The following EPM2A variants were observed in gnomAD, a reference collection of about 807,000 sequenced individuals.
EPM2A encodes laforin.
In EPM2A, 21 loss-of-function variants were observed where a neutral mutation model predicts 26.5. The observed-to-expected ratio is 0.79, with a 90% confidence interval of 0.56 to 1.14. The LOEUF (loss-of-function observed/expected upper bound fraction) is 1.14. EPM2A is among the 50% of genes most tolerant of loss of function. EPM2A has a pLI of 0.00. For synonymous variants in EPM2A, 217 were observed against 177.6 expected, an observed-to-expected ratio of 1.22 and a Z score of -1.76; for missense variants, 458 against 440.8, an observed-to-expected ratio of 1.04 and a Z score of -0.35.
chr6:145,509,161 A>G (rs1301421823), intron 2 of EPM2A, among the ~76,000 whole-genome samples: 1 of 152,234 alleles, frequency 6.6e-6, no homozygotes, highest in Non-Finnish European at 1.5e-5. Context: ...CTTGGAAAAC[A>G]TATTTGAGAA....
chr6:145,444,669 AT>A (rs1163549987), intron 4 of EPM2A, among the ~76,000 whole-genome samples: 4 of 152,192 alleles, frequency 2.6e-5, no homozygotes. Flanking sequence ...AAAAAGTCCA[AT>A]GTCTGAGCTT....
At chr6:145,725,063 C>T (rs1032679301) in intron 1 of EPM2A, among the ~76,000 whole-genome samples, 4 of 151,998 alleles carry the variant, frequency 2.6e-5, no homozygotes, top group South Asian at 2.1e-4. Flanking sequence ...AGAAAATATT[C>T]GCAAATCACC....
At chr6:145,546,818 T>C (rs991286076) in intron 2 of EPM2A, among the ~76,000 whole-genome samples, 14 of 152,158 alleles carry the variant, frequency 9.2e-5, no homozygotes, top group African/African-American at 3.4e-4. Flanking sequence ...TTTCCTTCAA[T>C]GATCTTCCCT....
At chr6:145,494,597 TTCTA>T (rs1270846910) in intron 4 of EPM2A, among the ~76,000 whole-genome samples, 2 of 152,322 alleles carry the variant, frequency 1.3e-5, no homozygotes, top group African/African-American at 4.8e-5. Context: ...CTTGAGATCT[TTCTA>T]TCTTTTTGAT....
intron 4 of EPM2A, among the ~76,000 whole-genome samples, chr6:145,429,732 A>T (rs1425002969): frequency 1.3e-5 from 2 of 152,206 alleles, no homozygotes; most frequent in Admixed American, 6.5e-5. Flanking sequence ...GACTTTTTTT[A>T]AAATTAGGAG....
intron 1 of EPM2A, among the ~76,000 whole-genome samples, chr6:145,706,366 G>A (rs1782222877): frequency 6.6e-6 from 1 of 152,142 alleles, no homozygotes; most frequent in Non-Finnish European, 1.5e-5. Flanking sequence ...GTTGAGTGAG[G>A]ACAACAAAGC....
intron 4 of EPM2A, among the ~76,000 whole-genome samples, chr6:145,389,242 G>A (rs2015815): frequency 0.27 from 39,856 of 148,920 alleles, 5,642 homozygotes; most frequent in Non-Finnish European, 0.32. Flanking sequence ...ACTCTGTCAC[G>A]AGTGCAGTGG....
At chr6:145,666,675 T>C (rs991764934) in intron 2 of EPM2A, among the ~76,000 whole-genome samples, 1 of 129,074 alleles carries the variant, frequency 7.7e-6, no homozygotes, top group African/African-American at 3.3e-5. Flanking sequence ...TTAAAGTTCA[T>C]ATGGAACCAA....
chr6:145,471,352 A>G (rs1029737380), intron 4 of EPM2A, among the ~76,000 whole-genome samples: 2 of 152,138 alleles, frequency 1.3e-5, no homozygotes, highest in Non-Finnish European at 2.9e-5. Context: ...AGATGGTGGA[A>G]TAGAAAGCTC....
chr6:145,586,958 A>C (rs1252867031), intron 2 of EPM2A, among the ~76,000 whole-genome samples: 2 of 152,176 alleles, frequency 1.3e-5, no homozygotes, highest in African/African-American at 2.4e-5. Flanking sequence ...ATGTTACCCA[A>C]ATCTACTAAT....
intron 3 of EPM2A, among the ~76,000 whole-genome samples, chr6:145,502,185 G>A (rs1779899456): frequency 6.6e-6 from 1 of 152,194 alleles, no homozygotes; most frequent in Non-Finnish European, 1.5e-5. Context: ...TAAAGGAAAG[G>A]CAACTGTGAA....
intron 1 of EPM2A, 81 bp downstream of exon 1, chr6:145,735,117 C>G (rs1776772513): frequency 9.1e-7 from 1 of 1,103,722 alleles, no homozygotes; most frequent in African/African-American, 1.7e-5. Context: ...CCTGCGGGGC[C>G]TGCCCGAGGC....
At chr6:145,449,853 G>A (rs1779173667) in intron 4 of EPM2A, among the ~76,000 whole-genome samples, 1 of 83,610 alleles carries the variant, frequency 1.2e-5, no homozygotes, top group South Asian at 4.2e-4. Flanking sequence ...CACTATAATA[G>A]GAAATGGTTT....
At chr6:145,445,912 T>C (rs552631004) in intron 4 of EPM2A, among the ~76,000 whole-genome samples, 3 of 152,322 alleles carry the variant, frequency 2.0e-5, no homozygotes, top group African/African-American at 7.2e-5. Flanking sequence ...CTGTATACTT[T>C]TTTAGGTTAT....
chr6:145,447,502 T>G (rs979452620), intron 4 of EPM2A, among the ~76,000 whole-genome samples: 19 of 152,118 alleles, frequency 1.2e-4, no homozygotes, highest in Admixed American at 1.0e-3. Context: ...TCTTTCTATC[T>G]CTGTCTTATT....
At chr6:145,644,191 C>T (rs967554797) in intron 2 of EPM2A, among the ~76,000 whole-genome samples, 3 of 152,172 alleles carry the variant, frequency 2.0e-5, no homozygotes, top group African/African-American at 7.2e-5. Context: ...AACAGAAAGA[C>T]AAGCATTGTA....
chr6:145,481,472 G>A (rs1178312993), intron 4 of EPM2A, among the ~76,000 whole-genome samples: 2 of 152,066 alleles, frequency 1.3e-5, no homozygotes, highest in African/African-American at 4.8e-5. Flanking sequence ...AGCTGCCCTT[G>A]ATGAGCTTAT....
chr6:145,405,883 A>C (rs535189336), intron 4 of EPM2A, among the ~76,000 whole-genome samples: 18 of 152,080 alleles, frequency 1.2e-4, no homozygotes, highest in African/African-American at 3.9e-4. Context: ...CTTTCTCTCA[A>C]TCTTATTATT....
At chr6:145,422,076 T>G (rs34039330) in intron 4 of EPM2A, among the ~76,000 whole-genome samples, 26,045 of 138,416 alleles carry the variant, frequency 0.19, 2,900 homozygotes, top group African/African-American at 0.3. Context: ...TATATATATA[T>G]AGAGAGAGAG....
Sources: gnomAD v4.1 joint callset for allele counts (sites outside exome capture counted in the v4.1 genomes callset) on GRCh38, gnomAD v4.1.1 for gene constraint, MANE v1.5 for transcripts, NCBI Gene and HGNC (gene_info 2026-07-23, HGNC 2026-07-21) for gene names.